The following SLC25A24 variants were observed in gnomAD, a reference collection of about 807,000 sequenced individuals.
SLC25A24 encodes the protein solute carrier family 25 member 24.
Under a neutral mutation model 60.7 loss-of-function variants are expected in SLC25A24, and 49 were observed. The ratio of observed to expected loss-of-function variants is 0.81; its 90% CI spans 0.64 to 1.02. The LOEUF is 1.02. SLC25A24 is among the 50% of genes least tolerant of loss of function. The pLI is 0.00. For missense variants in SLC25A24, 564 were observed against 586.3 expected, an observed-to-expected ratio of 0.96 and a Z score of 0.39; for synonymous variants, 202 against 200.6, an observed-to-expected ratio of 1.01 and a Z score of -0.06.
intron 4 of SLC25A24, among the ~76,000 whole-genome samples, chr1:108,159,946 T>C (rs917421825): frequency 6.6e-6 from 1 of 152,010 alleles, no homozygotes; most frequent in African/African-American, 2.4e-5. Flanking sequence ...AAAACCGCCA[T>C]TGTCATCATG....
At chr1:108,163,264 A>T (rs1378043380) in intron 3 of SLC25A24, among the ~76,000 whole-genome samples, 1 of 105,384 alleles carries the variant, frequency 9.5e-6, no homozygotes, top group Non-Finnish European at 1.9e-5. Flanking sequence ...CTTAGGATTG[A>T]CTTGGCAATG....
Position 108,197,851 on chromosome 1 carries a change from G to A in SLC25A24, c.183+2105C>T, listed in dbSNP as rs531240911. Among the ~76,000 whole-genome samples the A allele has an allele frequency of 9.8e-5, 15 of 152,348 alleles. No homozygotes were observed. In the South Asian group the frequency reaches 3.1e-3, roughly 32 times the overall value. On this transcript the variant is annotated intron_variant, in intron 1 of 9. Coordinates refer to ENST00000565488, the MANE Select transcript of SLC25A24 (RefSeq NM_013386.5). The stretch of plus-strand genomic sequence containing the variant: ...TTGAAGTCTGATCCCTGATGTGGCC[G>A]TGTTGGGAGGAGGGACCTAGCAGGA...
At chr1:108,152,052 A>T (rs956395540) in intron 6 of SLC25A24, among the ~76,000 whole-genome samples, 2 of 151,230 alleles carry the variant, frequency 1.3e-5, no homozygotes, top group Non-Finnish European at 2.9e-5. Flanking sequence ...AGTCTACCTC[A>T]CTCTCCCCCA....
chr1:108,189,814 C>CAAAA (rs34977169), intron 1 of SLC25A24, among the ~76,000 whole-genome samples: 1 of 106,504 alleles, frequency 9.4e-6, no homozygotes, highest in African/African-American at 3.5e-5. Flanking sequence ...GACTCCATCT[C>CAAAA]AAAAAAAAAA....
At chr1:108,188,790 G>A (rs1023313759) in intron 1 of SLC25A24, among the ~76,000 whole-genome samples, 2 of 152,208 alleles carry the variant, frequency 1.3e-5, no homozygotes, top group African/African-American at 4.8e-5. Flanking sequence ...TGGGTGATTG[G>A]TGGAAGGAAA....
rs1413000997 is a variant in SLC25A24, at chr1:108,164,536, G to A, written c.399-3243C>T. 5.3e-3 allele frequency among the ~76,000 whole-genome samples: 801 copies of A among 151,920 alleles called. 5 individuals carry two copies. Among genetic ancestry groups the A allele is most frequent in the African/African-American group, 0.019 (783 of 41,392 alleles). ...TTAGTCTTGGGAGGGTGTATGTGTC[G>A]AGGAATTTATCCATTTCTTCTAGAT... On this transcript the variant is annotated intron_variant, in intron 3 of 9. Coordinates refer to ENST00000565488, the MANE Select transcript of SLC25A24 (RefSeq NM_013386.5).
intron 4 of SLC25A24, among the ~76,000 whole-genome samples, chr1:108,158,703 G>A (rs1164015358): frequency 1.1e-3 from 149 of 138,088 alleles, no homozygotes; most frequent in Middle Eastern, 3.7e-3. Context: ...AGCCCATAAA[G>A]AAAAAAAAAA....
intron 1 of SLC25A24, chr1:108,199,050 G>A (rs1007450559): frequency 8.5e-5 from 13 of 152,110 alleles, no homozygotes; most frequent in Non-Finnish European, 1.2e-4. Flanking sequence ...TAAAATCATC[G>A]GTGAGTATTA....
rs1251163944 is a variant in SLC25A24, at chr1:108,162,597, G to A, written c.399-1304C>T. ...TTTGGCTGCATAAATGTCTTCTTTC[G>A]AGAAGTGTCTGTTCATGTCCTTCAC... is the stretch of plus-strand genomic sequence containing the variant. On this transcript the variant is annotated intron_variant, in intron 3 of 9. Transcript: ENST00000565488. Among the ~76,000 whole-genome samples the A allele has an allele frequency of 2.6e-5, 4 of 152,208 alleles. No individual in the cohort carries two copies. The South Asian group carries it at 8.3e-4, about 32-fold the overall frequency.
At chr1:108,162,503 G>A (rs1680115962) in intron 3 of SLC25A24, among the ~76,000 whole-genome samples, 2 of 147,468 alleles carry the variant, frequency 1.4e-5, no homozygotes, top group Admixed American at 1.3e-4. Flanking sequence ...GTGTGAGATG[G>A]TATCTCATTG....
chr1:108,185,132 G>A (rs1201406651), intron 2 of SLC25A24, among the ~76,000 whole-genome samples: 2 of 152,110 alleles, frequency 1.3e-5, no homozygotes, highest in African/African-American at 4.8e-5. Context: ...GACATAGTAA[G>A]AGGCCCTCAC....
At chr1:108,161,061 G>A in intron 4 of SLC25A24, 121 bp downstream of exon 4, 1 of 594,394 alleles carries the variant, frequency 1.7e-6, no homozygotes, top group Non-Finnish European at 3.0e-6. Context: ...GAACTCTACA[G>A]GTTAAGGAGC....
intron 1 of SLC25A24, among the ~76,000 whole-genome samples, chr1:108,188,650 T>C (rs1648232537): frequency 6.6e-6 from 1 of 152,078 alleles, no homozygotes; most frequent in Admixed American, 6.6e-5. Context: ...TAATACCAGG[T>C]GTTGAGAAAA....
chr1:108,195,670 G>A (rs1036581469), intron 1 of SLC25A24, among the ~76,000 whole-genome samples: 1 of 151,960 alleles, frequency 6.6e-6, no homozygotes, highest in Non-Finnish European at 1.5e-5. Flanking sequence ...TCTTAATATT[G>A]TGCCAGAAAC....
At position 108,143,676 on chromosome 1, in the gene SLC25A24, C is replaced by T; in HGVS notation, c.965G>A (p.Gly322Glu). ...MKTRLAVGKT[G>E]QYSGIYDCAK... ...ACAATCATATATTCCAGAGTACTGCCCAGTTTTGCCTACAGCCAGCCTGGT... is the reference window on the plus strand; with the variant it reads ...ACAATCATATATTCCAGAGTACTGCTCAGTTTTGCCTACAGCCAGCCTGGT... The change falls in exon 8 of 10, where the codon GGG (glycine) becomes GAG (glutamate). Residue 322 changes from glycine (G) to glutamate (E), a missense_variant. Coordinates refer to ENST00000565488, the MANE Select transcript of SLC25A24 (RefSeq NM_013386.5). The T allele has an allele frequency of 1.9e-6, 3 of 1,612,864 alleles. No homozygotes were observed. Among genetic ancestry groups the T allele is most frequent in the Non-Finnish European group, 8.5e-7 (1 of 1,179,598 alleles).
At position 108,193,242 on chromosome 1, in the gene SLC25A24, T is replaced by C. The variant is rs748003086; in HGVS notation, c.183+6714A>G. On this transcript the variant is annotated intron_variant, in intron 1 of 9. Coordinates refer to ENST00000565488, the MANE Select transcript of SLC25A24 (RefSeq NM_013386.5). ...CCATCAGCTTGTTACAAGGGTATAC[T>C]GTGTGATACTGGGGTTTGAGCTCCT... Among the ~76,000 whole-genome samples, 39 of 138,734 alleles carry C rather than the reference T, an allele frequency of 2.8e-4. 5 individuals are homozygous for C. Among genetic ancestry groups the C allele is most frequent in the Admixed American group, 2.5e-4 (3 of 12,242 alleles). 91.0% of individuals were successfully genotyped at this position (138,734 alleles called of 152,430 possible). A position where few individuals can be genotyped will look rare whatever the true frequency, so the allele number is the denominator to read the frequency against.
At chr1:108,143,376 C>T (rs1040881814) in intron 8 of SLC25A24, among the ~76,000 whole-genome samples, 167 bp downstream of exon 8, 1 of 152,162 alleles carries the variant, frequency 6.6e-6, no homozygotes, top group Non-Finnish European at 1.5e-5. Flanking sequence ...ACAAAAGTGA[C>T]CCCATGCATA....
chr1:108,191,798 T>C (rs1240156078), intron 1 of SLC25A24, among the ~76,000 whole-genome samples: 3 of 139,524 alleles, frequency 2.2e-5, no homozygotes, highest in African/African-American at 7.5e-5. Flanking sequence ...GGGTCAAACA[T>C]CCAAAGAGCA....
At chr1:108,171,024 T>G (rs1647442231) in intron 3 of SLC25A24, among the ~76,000 whole-genome samples, 1 of 152,180 alleles carries the variant, frequency 6.6e-6, no homozygotes, top group African/African-American at 2.4e-5. Flanking sequence ...AGTTTTACTG[T>G]ACTTGAATTT....
Sources: gnomAD v4.1 joint callset for allele counts (sites outside exome capture counted in the v4.1 genomes callset) on GRCh38, gnomAD v4.1.1 for gene constraint, MANE v1.5 for transcripts, NCBI Gene and HGNC (gene_info 2026-07-23, HGNC 2026-07-21) for gene names.